RALGAPA1: variants seen among roughly 807,000 people sequenced by gnomAD.
RALGAPA1 encodes the protein Ral GTPase activating protein catalytic subunit alpha 1, also known as ral GTPase-activating protein subunit alpha-1.
A neutral mutation model predicts 269.6 loss-of-function variants in RALGAPA1; 52 were observed. That is an observed-to-expected ratio of 0.19 (90% CI 0.15 to 0.24). The LOEUF is 0.24. Ranked by LOEUF, RALGAPA1 falls within the 10% of genes least tolerant of loss-of-function variation. The pLI, the probability that RALGAPA1 is intolerant of heterozygous loss-of-function variation, is 1.00. For missense variants in RALGAPA1, 1,917 were observed against 3,013.9 expected (o/e 0.64, Z 8.52); for synonymous variants, 817 against 1,008.3 (o/e 0.81, Z 3.60).
chr14:35,783,813 G>A (rs558813172), intron 1 of RALGAPA1, among the ~76,000 whole-genome samples: 66 of 152,206 alleles, frequency 4.3e-4, no homozygotes, highest in Admixed American at 4.3e-3. Context: ...ATGAAAAAAC[G>A]TTTAACATCA....
intron 16 of RALGAPA1, among the ~76,000 whole-genome samples, chr14:35,717,514 A>T (rs2068940326): frequency 6.6e-6 from 1 of 152,164 alleles, no homozygotes. Context: ...GACATAGGTT[A>T]AATTTTATAG....
chr14:35,664,476 A>T (rs779507958), intron 27 of RALGAPA1, among the ~76,000 whole-genome samples, 166 bp downstream of exon 27: 9 of 152,214 alleles, frequency 5.9e-5, no homozygotes, highest in African/African-American at 1.2e-4. Context: ...ACAAAAAAGG[A>T]TATGCTCCAA....
chr14:35,571,628 T>C (rs1318881920), intron 38 of RALGAPA1, among the ~76,000 whole-genome samples: 1 of 152,026 alleles, frequency 6.6e-6, no homozygotes, highest in Non-Finnish European at 1.5e-5. Context: ...GAGCCGAGAT[T>C]GCGCCACCGC....
intron 16 of RALGAPA1, among the ~76,000 whole-genome samples, chr14:35,702,763 G>A (rs1478836103): frequency 4.9e-5 from 7 of 142,170 alleles, no homozygotes; most frequent in Admixed American, 1.4e-4. Context: ...TTTTTGAGAC[G>A]GAGTCTCGCT....
At chr14:35,777,415 A>T (rs1408886536) in intron 1 of RALGAPA1, among the ~76,000 whole-genome samples, 1 of 152,190 alleles carries the variant, frequency 6.6e-6, no homozygotes, top group African/African-American at 2.4e-5. Context: ...GAGCATGACT[A>T]GTTTTATTGT....
chr14:35,670,662 C>T (rs56112669), intron 26 of RALGAPA1, among the ~76,000 whole-genome samples: 2,816 of 152,272 alleles, frequency 0.018, 84 homozygotes, highest in African/African-American at 0.063. Context: ...CGGTGGCTCA[C>T]GCCTGTAATC....
rs748204408 is a variant in RALGAPA1 at position 35,689,987 on chromosome 14, T to C, written c.2424A>G (p.Gln808=). The part of the protein sequence containing the change: ...SDELSDIDDA[Q]ILPRSTRVRH... ...TGACTCTAGTTGAGCGGGGAAGTAT[T>C]TGAGCATCATCAATATCTGTAAAAG... The change falls in exon 18 of 42, where the codon CAA becomes CAG. Residue 808 remains glutamine, a synonymous_variant. Coordinates refer to ENST00000680220, the MANE Select transcript of RALGAPA1 (RefSeq NM_001346249.2). The C allele has an allele frequency of 1.3e-5, 21 of 1,584,818 alleles. No homozygotes were observed. Among genetic ancestry groups the C allele is most frequent in the Non-Finnish European group, 1.8e-5 (21 of 1,170,578 alleles).
intron 1 of RALGAPA1, among the ~76,000 whole-genome samples, chr14:35,805,373 C>T (rs1332403700): frequency 8.8e-5 from 13 of 148,510 alleles, no homozygotes; most frequent in Admixed American, 5.4e-4. Context: ...ACCCGGGAGG[C>T]GGAGGTTGCA....
At chr14:35,685,580 C>T (rs1044423907) in intron 19 of RALGAPA1, among the ~76,000 whole-genome samples, 1 of 152,196 alleles carries the variant, frequency 6.6e-6, no homozygotes, top group African/African-American at 2.4e-5. Context: ...ATAGAGAAGT[C>T]AAACCCAAAT....
chr14:35,671,742 A>G (rs914595538), intron 25 of RALGAPA1, among the ~76,000 whole-genome samples: 2 of 152,218 alleles, frequency 1.3e-5, no homozygotes, highest in Non-Finnish European at 2.9e-5. Flanking sequence ...ACTGGCATAA[A>G]TAACAGCATT....
intron 37 of RALGAPA1, among the ~76,000 whole-genome samples, chr14:35,582,471 T>A (rs899154418): frequency 3.3e-5 from 5 of 152,116 alleles, no homozygotes; most frequent in African/African-American, 1.2e-4. Flanking sequence ...CCCCTCCCCA[T>A]TCCTGGTGTC....
At chr14:35,777,626 A>C (rs540709914) in intron 1 of RALGAPA1, among the ~76,000 whole-genome samples, 1 of 152,202 alleles carries the variant, frequency 6.6e-6, no homozygotes, top group African/African-American at 2.4e-5. Flanking sequence ...GTAGTGGTAC[A>C]ATCTCGGCTC....
Position 35,549,727 on chromosome 14 carries a change from C to G in RALGAPA1, c.7497-493G>C, listed in dbSNP as rs370144150. Among the ~76,000 whole-genome samples, 3 of 152,252 alleles carry G rather than the reference C, an allele frequency of 2.0e-5. No homozygotes were observed. The East Asian group carries it at 5.8e-4, about 29-fold the overall frequency. ...TTTATTGTGAAAAATTCCTACATATCTTCTTCTTTTTCTAAAATCCCTGCA... is the reference window on the plus strand; with the variant it reads ...TTTATTGTGAAAAATTCCTACATATGTTCTTCTTTTTCTAAAATCCCTGCA... On this transcript the variant is annotated intron_variant, in intron 39 of 41. Transcript: ENST00000680220.
At chr14:35,745,428 C>CAG (rs2071969543) in intron 10 of RALGAPA1, among the ~76,000 whole-genome samples, 2 of 139,740 alleles carry the variant, frequency 1.4e-5, no homozygotes, top group African/African-American at 3.1e-5. Context: ...GACAGACACA[C>CAG]ACACACACAC....
In RALGAPA1 at chr14:35,561,405, A is replaced by G. The variant is rs185264659; in HGVS notation, c.7496+9212T>C. On this transcript the variant is annotated intron_variant, in intron 39 of 41. Coordinates refer to ENST00000680220, the MANE Select transcript of RALGAPA1 (RefSeq NM_001346249.2). ...TTAAATAATTACTCTGTATACACAG[A>G]CTACAAAGACTACAAGACTTGGCAG... Among the ~76,000 whole-genome samples the G allele has an allele frequency of 2.6e-3, 391 of 151,894 alleles. 1 individual carries two copies. Among genetic ancestry groups the G allele is most frequent in the Non-Finnish European group, 4.0e-3 (273 of 67,946 alleles).
At chr14:35,759,966 GACTC>G (rs893637536) in intron 6 of RALGAPA1, among the ~76,000 whole-genome samples, 1 of 146,342 alleles carries the variant, frequency 6.8e-6, no homozygotes, top group African/African-American at 2.5e-5. Flanking sequence ...AAACCACAAA[GACTC>G]ACTAATGAAT....
At chr14:35,711,152 T>C (rs1350925673) in intron 16 of RALGAPA1, among the ~76,000 whole-genome samples, 1 of 152,244 alleles carries the variant, frequency 6.6e-6, no homozygotes. Context: ...AGTCAACATA[T>C]AGTTGAGGCT....
chr14:35,803,261 CAACA>C (rs1172272371), intron 1 of RALGAPA1, among the ~76,000 whole-genome samples: 1 of 152,076 alleles, frequency 6.6e-6, no homozygotes, highest in Non-Finnish European at 1.5e-5. Context: ...TAGCCTTTTT[CAACA>C]AACAGAGCTG....
intron 31 of RALGAPA1, among the ~76,000 whole-genome samples, chr14:35,636,208 G>T (rs956483877): frequency 6.6e-6 from 1 of 151,958 alleles, no homozygotes; most frequent in African/African-American, 2.4e-5. Flanking sequence ...CATCATGCCT[G>T]GATGGACACT....
Sources: gnomAD v4.1 joint callset for allele counts (sites outside exome capture counted in the v4.1 genomes callset) on GRCh38, gnomAD v4.1.1 for gene constraint, MANE v1.5 for transcripts, NCBI Gene and HGNC (gene_info 2026-07-23, HGNC 2026-07-21) for gene names.